The following TTC21B variants were observed in gnomAD, a reference collection of about 807,000 sequenced individuals.
TTC21B encodes tetratricopeptide repeat protein 21B.
A neutral mutation model predicts 175.1 loss-of-function variants in TTC21B; 127 were observed. That is an observed-to-expected ratio of 0.73 (90% confidence interval 0.63 to 0.84). The LOEUF is 0.84. Among genes scored for constraint, TTC21B ranks in the 40% least tolerant of loss-of-function variants. TTC21B has a pLI of 0.00. For synonymous variants in TTC21B, 524 were observed against 524.5 expected (o/e 1.00, Z 0.01); for missense variants, 1,561 against 1,558.3 (o/e 1.00, Z -0.03).
intron 12 of TTC21B, 78 bp from the exon 13 acceptor site, chr2:165,919,511 G>A: frequency 1.3e-6 from 2 of 1,505,504 alleles, no homozygotes; most frequent in Non-Finnish European, 1.8e-6. Flanking sequence ...GAAGAAGAGT[G>A]TTTAGTTTAC....
intron 12 of TTC21B, among the ~76,000 whole-genome samples, chr2:165,920,076 G>T (rs563454870): frequency 6.6e-6 from 1 of 151,998 alleles, no homozygotes; most frequent in Admixed American, 6.6e-5. Flanking sequence ...TGATAGATGC[G>T]GTAAGAAGAG....
intron 25 of TTC21B, 72 bp downstream of exon 25, chr2:165,888,207 C>T: frequency 1.6e-6 from 2 of 1,219,194 alleles, no homozygotes; most frequent in Non-Finnish European, 2.4e-6. Context: ...AAATAAACAA[C>T]TAATCAAAAT....
intron 3 of TTC21B, 90 bp from the exon 4 acceptor site, chr2:165,945,780 T>G: frequency 7.5e-7 from 1 of 1,333,210 alleles, no homozygotes; most frequent in Admixed American, 2.0e-5. Flanking sequence ...AAAAATTTAC[T>G]TCTCTCTATA....
In TTC21B at chr2:165,912,511, T is replaced by C. The variant is rs79037278; in HGVS notation, c.2322+3A>G. The C allele has an allele frequency of 6.5e-3, 10,377 of 1,607,380 alleles. 49 individuals are homozygous for C. Among genetic ancestry groups the C allele is most frequent in the East Asian group, 0.023 (1,012 of 44,834 alleles). On this transcript the variant is annotated splice_donor_region_variant and intron_variant, in intron 17 of 28. Coordinates refer to ENST00000243344, the MANE Select transcript of TTC21B (RefSeq NM_024753.5). ...GACATATTTCAAACAATAAAGTACTTACCATTGAGTAGTTATGAGTTTTGA... is the reference window on the plus strand; with the variant it reads ...GACATATTTCAAACAATAAAGTACTCACCATTGAGTAGTTATGAGTTTTGA...
At chr2:165,927,306 AT>A (rs1272402646) in intron 11 of TTC21B, among the ~76,000 whole-genome samples, 6 of 101,036 alleles carry the variant, frequency 5.9e-5, no homozygotes, top group African/African-American at 2.5e-4. Context: ...ATATATATAT[AT>A]TATATATTAT....
At chr2:165,886,691 T>G (rs945307255) in intron 25 of TTC21B, among the ~76,000 whole-genome samples, 1 of 152,206 alleles carries the variant, frequency 6.6e-6, no homozygotes, top group Non-Finnish European at 1.5e-5. Context: ...AGCTGTAATA[T>G]CATTCACTGC....
intron 1 of TTC21B, among the ~76,000 whole-genome samples, chr2:165,951,877 T>C (rs73020730): frequency 2.6e-5 from 4 of 152,172 alleles, no homozygotes; most frequent in Admixed American, 6.5e-5. Flanking sequence ...TTTGACAGCA[T>C]TGAAAACTGA....
chr2:165,949,031 TA>T, intron 3 of TTC21B: 2 of 274,658 alleles, frequency 7.3e-6, no homozygotes, highest in South Asian at 8.3e-5. Context: ...ATTGGCTGTA[TA>T]TTTGCACAAA....
rs775086631 is a variant in TTC21B, at chr2:165,930,153, A to T, written c.1087+19T>A. On this transcript the variant is annotated intron_variant, in intron 9 of 28. Transcript: ENST00000243344. ...ACTTGTATCTATATTATAAATATTTATGAAAACAGTTGTCATACCAACTAG... is the reference window on the plus strand; with the variant it reads ...ACTTGTATCTATATTATAAATATTTTTGAAAACAGTTGTCATACCAACTAG... 1 of 1,606,468 alleles carries T rather than the reference A, an allele frequency of 6.2e-7. No homozygotes were observed. The highest frequency in any genetic ancestry group is 1.1e-5 in the South Asian group (1 of 90,716).
chr2:165,878,870 C>T (rs1450640589), intron 27 of TTC21B, among the ~76,000 whole-genome samples: 2 of 151,864 alleles, frequency 1.3e-5, no homozygotes, highest in African/African-American at 4.8e-5. Context: ...TTAGTAGAGA[C>T]GGAGTTTCAC....
chr2:165,886,158 T>C (rs1684991802), intron 25 of TTC21B, among the ~76,000 whole-genome samples: 1 of 152,228 alleles, frequency 6.6e-6, no homozygotes, highest in Non-Finnish European at 1.5e-5. Context: ...ATTGTCTTCA[T>C]TTCTGCCTGT....
Position 165,943,221 on chromosome 2 carries a change from T to C in TTC21B, c.550A>G (p.Lys184Glu), listed in dbSNP as rs748570902. ...TATTTACCCTAACTCCAACTCACCT[T>C]ACCCAGCAGAGCAAAAGTATCATTC... The part of the protein sequence containing the change: ...DGNDTFALLG[K>E]AQCLEMRQNY... Residue 184 changes from lysine to glutamate, a missense_variant and splice_region_variant, in exon 5 of 29, where the codon AAG (lysine) becomes GAG (glutamate). Lys to Glu is a moderately conservative substitution (Grantham distance 56). Transcript: ENST00000243344. 5.6e-6 allele frequency: 9 copies of C among 1,613,612 alleles called. No individual in the cohort carries two copies. Among genetic ancestry groups the C allele is most frequent in the Non-Finnish European group, 7.6e-6 (9 of 1,179,620 alleles).
chr2:165,925,484 A>AC (rs1220943236), intron 11 of TTC21B, among the ~76,000 whole-genome samples: 2 of 151,960 alleles, frequency 1.3e-5, no homozygotes, highest in Admixed American at 1.3e-4. Flanking sequence ...GATCCTCTCC[A>AC]CCCCAAGCCC....
In TTC21B at chr2:165,880,694, T is replaced by C. The variant is rs750740639; in HGVS notation, c.3790A>G (p.Thr1264Ala). The change falls in exon 27 of 29, where the codon ACA becomes GCA. Residue 1264 changes from threonine (T) to alanine (A), a missense_variant. Transcript: ENST00000243344. ...CCAAACTCACCTACTGCCGGATTTG[T>C]CCGATTGCTATATTTCCATGCCATC... ...YEMAWKYSNR[T>A]NPAVGYKLAF... 1 of 1,613,626 alleles carries C rather than the reference T, an allele frequency of 6.2e-7. No individual in the cohort carries two copies. Among genetic ancestry groups the C allele is most frequent in the Non-Finnish European group, 8.5e-7 (1 of 1,179,776 alleles).
In TTC21B at chr2:165,880,691, T is replaced by G. The variant is rs757365458; in HGVS notation, c.3793A>C (p.Asn1265His). 6.2e-7 allele frequency: 1 copy of G among 1,613,570 alleles called. No homozygotes were observed. The highest frequency in any genetic ancestry group is 8.5e-7 in the Non-Finnish European group (1 of 1,179,752). The change falls in exon 27 of 29, where the codon AAT becomes CAT. Residue 1265 changes from asparagine to histidine, a missense_variant. Coordinates refer to ENST00000243344, the MANE Select transcript of TTC21B (RefSeq NM_024753.5). ...EMAWKYSNRT[N>H]PAVGYKLAFN... ...TTGCCAAACTCACCTACTGCCGGAT[T>G]TGTCCGATTGCTATATTTCCATGCC...
At chr2:165,906,791 C>G (rs1685750025) in intron 19 of TTC21B, among the ~76,000 whole-genome samples, 1 of 151,526 alleles carries the variant, frequency 6.6e-6, no homozygotes, top group South Asian at 2.1e-4. Context: ...GCTAAAAATA[C>G]TAAAAATACA....
chr2:165,932,354 C>T (rs1686942052), intron 7 of TTC21B, among the ~76,000 whole-genome samples: 1 of 152,114 alleles, frequency 6.6e-6, no homozygotes, highest in Admixed American at 6.5e-5. Context: ...CTAAGATACT[C>T]CTAGCATTTA....
chr2:165,948,705 A>G (rs1362672376), intron 3 of TTC21B: 2 of 152,404 alleles, frequency 1.3e-5, no homozygotes, highest in Non-Finnish European at 2.9e-5. Flanking sequence ...GACAGTTCAC[A>G]TAACTTTATT....
At chr2:165,909,439 T>G (rs1005845850) in intron 18 of TTC21B, among the ~76,000 whole-genome samples, 2 of 151,778 alleles carry the variant, frequency 1.3e-5, no homozygotes, top group South Asian at 2.1e-4. Context: ...ACAAATCTGA[T>G]GAAGAAAAGA....
Sources: allele counts gnomAD v4.1 joint callset (sites outside exome capture counted in the v4.1 genomes callset), GRCh38; gene constraint gnomAD v4.1.1; transcripts MANE v1.5; gene names NCBI Gene and HGNC (gene_info 2026-07-23, HGNC 2026-07-21).